NPHP3: variants seen among roughly 807,000 people sequenced by gnomAD.
The protein encoded by NPHP3 is nephrocystin 3.
In NPHP3, 123 loss-of-function variants were observed where a neutral mutation model predicts 171.9. The observed-to-expected ratio is 0.72, with a 90% confidence interval of 0.62 to 0.83. The LOEUF is 0.83. Among genes scored for constraint, NPHP3 ranks in the 40% least tolerant of loss-of-function variants. The probability of loss-of-function intolerance (pLI) is 0.00; values close to 1 mark genes in which losing one functional copy is unlikely to be tolerated. For synonymous variants in NPHP3, 558 were observed against 579.2 expected (o/e 0.96, Z 0.52); for missense variants, 1,506 against 1,591.9 (o/e 0.95, Z 0.92).
chr3:132,722,307 C>T lies in NPHP3; in HGVS notation c.49G>A (p.Glu17Lys). 4 of 1,582,170 alleles carry T rather than the reference C, an allele frequency of 2.5e-6. No individual in the cohort carries two copies. Among genetic ancestry groups the T allele is most frequent in the Non-Finnish European group, 2.6e-6 (3 of 1,173,164 alleles). The change falls in exon 1 of 27, where the codon GAG (glutamate) becomes AAG (lysine). Residue 17 changes from glutamate to lysine, a missense_variant. Glu to Lys is a moderately conservative substitution (Grantham distance 56). Coordinates refer to ENST00000337331, the MANE Select transcript of NPHP3 (RefSeq NM_153240.5). ...CCGCCGCCCGCCCCGTACGTGTCCTCGATCACTTCCCCGCCCGCGGGGCTC... is the reference window on the plus strand; with the variant it reads ...CCGCCGCCCGCCCCGTACGTGTCCTTGATCACTTCCCCGCCCGCGGGGCTC... Reference protein sequence around the residue: ...LVSPAGGEVIEDTYGAGGGEA... With the variant: ...LVSPAGGEVIKDTYGAGGGEA...
chr3:132,703,349 A>G lies in NPHP3; in HGVS notation c.1524+849T>C, dbSNP rs374011539. ...TATTCTTTAAAATATTAGTTCTTAC[A>G]TTAATTTTTAACTATTATATTTTTT... is the stretch of plus-strand genomic sequence containing the variant. On this transcript the variant is annotated intron_variant, in intron 9 of 26. Transcript: ENST00000337331. Among the ~76,000 whole-genome samples, 7 of 152,302 alleles carry G rather than the reference A, an allele frequency of 4.6e-5. No homozygotes were observed. In the East Asian group the frequency reaches 7.7e-4, roughly 17 times the overall value.
intron 6 of NPHP3, among the ~76,000 whole-genome samples, chr3:132,711,094 A>G (rs1939897038): frequency 6.6e-6 from 1 of 152,218 alleles, no homozygotes; most frequent in African/African-American, 2.4e-5. Context: ...GTGTTTCCCC[A>G]TGGAGCTTCC....
rs1939004861 is a variant in NPHP3 at position 132,680,787 on chromosome 3, AAT to A, written c.*1121_*1122del. 1 of 152,204 alleles carries A rather than the reference AAT, an allele frequency of 6.6e-6. No individual in the cohort carries two copies. Among genetic ancestry groups the A allele is most frequent in the African/African-American group, 2.4e-5 (1 of 41,440 alleles). 9.4% of individuals were successfully genotyped at this position (152,204 alleles called of 1,614,324 possible). On this transcript the variant is annotated 3_prime_UTR_variant, in exon 27 of 27. Transcript: ENST00000337331. Reference sequence around the variant, plus strand: ...TTGCAATATTTATAAAATCCATAAAAATATTTAATTTTCAGTATGAAAATGGC... The same window carrying A: ...TTGCAATATTTATAAAATCCATAAAAATTTAATTTTCAGTATGAAAATGGC...
chr3:132,686,062 A>G, intron 23 of NPHP3, 198 bp downstream of exon 23: 1 of 526,344 alleles, frequency 1.9e-6, no homozygotes, highest in East Asian at 3.6e-5. Context: ...AAAAAAAAAA[A>G]GAGTGTGAAA....
chr3:132,701,648 A>T, intron 9 of NPHP3, 115 bp from the exon 10 acceptor site: 1 of 764,008 alleles, frequency 1.3e-6, no homozygotes, highest in Non-Finnish European at 2.2e-6. Context: ...GAGAAAATGA[A>T]ATCTATTTTT....
intron 8 of NPHP3, among the ~76,000 whole-genome samples, chr3:132,704,767 C>T (rs1939703449): frequency 6.6e-6 from 1 of 152,062 alleles, no homozygotes; most frequent in Non-Finnish European, 1.5e-5. Flanking sequence ...TCAAGTATCT[C>T]TGTGGTCATA....
At chr3:132,683,858 CCCTT>C in intron 24 of NPHP3, among the ~76,000 whole-genome samples, 1 of 152,154 alleles carries the variant, frequency 6.6e-6, no homozygotes. Context: ...CTTGCCAAAT[CCCTT>C]CCAGATTTTT....
intron 1 of NPHP3, 137 bp downstream of exon 1, chr3:132,721,826 G>C: frequency 9.5e-7 from 1 of 1,049,078 alleles, no homozygotes; most frequent in East Asian, 2.6e-5. Context: ...AATCATTTCA[G>C]ACTCGAAGAG....
intron 23 of NPHP3, 197 bp downstream of exon 23, chr3:132,686,062 AG>A: frequency 3.8e-6 from 2 of 526,340 alleles, no homozygotes; most frequent in Non-Finnish European, 3.4e-6. Context: ...AAAAAAAAAA[AG>A]AGTGTGAAAA....
At chr3:132,692,616 T>C in intron 17 of NPHP3, 38 bp downstream of exon 17, 4 of 1,587,270 alleles carry the variant, frequency 2.5e-6, no homozygotes, top group Non-Finnish European at 3.5e-6. Flanking sequence ...CCCTGTTTCT[T>C]AAATAAATAA....
In NPHP3 at chr3:132,688,791, T is replaced by A. The variant is rs1939226813; in HGVS notation, c.2984A>T (p.Tyr995Phe). 1 of 1,613,982 alleles carries A rather than the reference T, an allele frequency of 6.2e-7. No homozygotes were observed. The highest frequency in any genetic ancestry group is 1.3e-5 in the African/African-American group (1 of 74,920). The change falls in exon 21 of 27, where the codon TAC (tyrosine) becomes TTC (phenylalanine). Residue 995 changes from tyrosine (Y) to phenylalanine (F), a missense_variant. This residue lies in a region of NPHP3 where 569 missense variants were observed against 648.1 expected (regional missense o/e 0.88). Transcript: ENST00000337331. Reference sequence around the variant, plus strand: ...ATTGCCAAACTTCTTCCACTGCACGTATACACTTGCTAGTTGGTGGAGGGA... The same window carrying A: ...ATTGCCAAACTTCTTCCACTGCACGAATACACTTGCTAGTTGGTGGAGGGA... Reference protein sequence around the residue: ...AQSLHQLASVYVQWKKFGNAE... With the variant: ...AQSLHQLASVFVQWKKFGNAE...
chr3:132,710,144 T>C (rs1939869313), intron 6 of NPHP3, among the ~76,000 whole-genome samples: 1 of 152,200 alleles, frequency 6.6e-6, no homozygotes, highest in South Asian at 2.1e-4. Flanking sequence ...AATATGTTGA[T>C]AAGTTGCACT....
rs1310769658 is a variant in NPHP3 at position 132,690,757 on chromosome 3, G to C, written c.2571-107C>G. ...AGAAAAATATTTAACATATATCTCT[G>C]ATTCTTTAAGTATAATTTAATACTA... On this transcript the variant is annotated intron_variant, in intron 18 of 26. Transcript: ENST00000337331. 6 of 1,081,772 alleles carry C rather than the reference G, an allele frequency of 5.5e-6. No individual in the cohort carries two copies. In the African/African-American group the frequency reaches 9.6e-5, roughly 17 times the overall value. 67.0% of individuals were successfully genotyped at this position (1,081,772 alleles called of 1,614,324 possible). A position where few individuals can be genotyped will look rare whatever the true frequency, so the allele number is the denominator to read the frequency against.
At chr3:132,709,609 C>A (rs936319728) in intron 6 of NPHP3, among the ~76,000 whole-genome samples, 1 of 152,036 alleles carries the variant, frequency 6.6e-6, no homozygotes, top group African/African-American at 2.4e-5. Context: ...TTCTACACAA[C>A]AAAGGACACT....
rs1209783174 is a variant in NPHP3, at chr3:132,715,123, T to C, written c.919A>G (p.Thr307Ala). The C allele has an allele frequency of 6.2e-7, 1 of 1,612,740 alleles. No individual in the cohort carries two copies. Among genetic ancestry groups the C allele is most frequent in the Non-Finnish European group, 8.5e-7 (1 of 1,178,870 alleles). Reference sequence around the variant, plus strand: ...TCCATCTCAGGCTGGGTTTCATCTGTATAAATGAGGTAACATCTGACAGTG... The same window carrying C: ...TCCATCTCAGGCTGGGTTTCATCTGCATAAATGAGGTAACATCTGACAGTG... Reference protein sequence around the residue: ...SNTVRCYLIYTDETQPEMDLF... With the variant: ...SNTVRCYLIYADETQPEMDLF... The change falls in exon 5 of 27, where the codon ACA becomes GCA. Residue 307 changes from threonine to alanine, a missense_variant. Physicochemically the swap from Thr to Ala is moderately conservative, Grantham distance 58. This residue lies in a region of NPHP3 where 930 missense variants were observed against 924.9 expected (regional missense o/e 1.01). Transcript: ENST00000337331.
At position 132,688,804 on chromosome 3, in the gene NPHP3, G is replaced by C; in HGVS notation, c.2971C>G (p.Leu991Val). 1.2e-6 allele frequency: 2 copies of C among 1,614,110 alleles called. No homozygotes were observed. The highest frequency in any genetic ancestry group is 1.7e-6 in the Non-Finnish European group (2 of 1,179,994). ...HPRVAQSLHQ[L>V]ASVYVQWKKF... is the part of the protein sequence containing the mutation. ...TTCCACTGCACGTATACACTTGCTAGTTGGTGGAGGGACTGGGCTACTCTT... is the reference window on the plus strand; with the variant it reads ...TTCCACTGCACGTATACACTTGCTACTTGGTGGAGGGACTGGGCTACTCTT... Residue 991 changes from leucine (L) to valine (V), a missense_variant, in exon 21 of 27, where the codon CTA becomes GTA. Leu to Val is a conservative substitution (Grantham distance 32). This residue lies in a region of NPHP3 where 569 missense variants were observed against 648.1 expected (regional missense o/e 0.88). Transcript: ENST00000337331.
At position 132,686,029 on chromosome 3, in the gene NPHP3, A is replaced by G. The variant is rs191390326; in HGVS notation, c.3329+231T>C. 5.9e-4 allele frequency: 249 copies of G among 424,174 alleles called. 1 individual carries two copies. Among genetic ancestry groups the G allele is most frequent in the African/African-American group, 3.5e-3 (170 of 48,960 alleles). 26.3% of individuals were successfully genotyped at this position (424,174 alleles called of 1,614,324 possible). ...ACACCACTGCACTCCAGCCTGGGCA[A>G]CAGAGCGAGACTCCGTCTCAAAAAA... On this transcript the variant is annotated intron_variant, in intron 23 of 26. Coordinates refer to ENST00000337331, the MANE Select transcript of NPHP3 (RefSeq NM_153240.5).
At chr3:132,700,541 G>A in intron 10 of NPHP3, 93 bp from the exon 11 acceptor site, 1 of 685,372 alleles carries the variant, frequency 1.5e-6, no homozygotes, top group South Asian at 1.9e-5. Context: ...ATCAAATGTT[G>A]CCTAACTGAG....
rs1940134411 is a variant in NPHP3, at chr3:132,719,125, T to C, written c.539A>G (p.Glu180Gly). Reference protein sequence around the residue: ...RQFKIFRETKENEIQDLLRAK... With the variant: ...RQFKIFRETKGNEIQDLLRAK... ...CCTCAGTAAGTCCTGAATTTCATTTTCTTTGGTCTCCCTAAAAATCTTTAA... is the reference window on the plus strand; with the variant it reads ...CCTCAGTAAGTCCTGAATTTCATTTCCTTTGGTCTCCCTAAAAATCTTTAA... The change falls in exon 3 of 27, where the codon GAA becomes GGA. Residue 180 changes from glutamate to glycine, a missense_variant. Around this residue, in one of 3 missense-constraint regions of NPHP3, gnomAD observed 930 missense variants for 924.9 expected, o/e 1.01. Coordinates refer to ENST00000337331, the MANE Select transcript of NPHP3 (RefSeq NM_153240.5). 6.2e-7 allele frequency: 1 copy of C among 1,611,724 alleles called. No homozygotes were observed. Among genetic ancestry groups the C allele is most frequent in the South Asian group, 1.1e-5 (1 of 90,706 alleles).
Sources: gnomAD v4.1 joint callset for allele counts (sites outside exome capture counted in the v4.1 genomes callset) on GRCh38, gnomAD v4.1.1 for gene constraint, gnomAD v4.1.1 regional missense constraint, MANE v1.5 for transcripts, NCBI Gene and HGNC (gene_info 2026-07-23, HGNC 2026-07-21) for gene names.